Variants in DPYSL3 observed in about 807,000 individuals in gnomAD.
DPYSL3 encodes dihydropyrimidinase-related protein 3.
DPYSL3 carries 16 observed loss-of-function variants against 66.1 expected under a neutral mutation model. The ratio of observed to expected loss-of-function variants is 0.24; its 90% CI spans 0.16 to 0.37. The LOEUF (loss-of-function observed/expected upper bound fraction) is 0.37, where lower values mean the gene tolerates loss of function less well. DPYSL3 is among the 10% of genes least tolerant of loss of function. DPYSL3 has a pLI of 1.00. For missense variants in DPYSL3, 738 were observed against 916.2 expected, an observed-to-expected ratio of 0.81 and a Z score of 2.51; for synonymous variants, 338 against 345.1, an observed-to-expected ratio of 0.98 and a Z score of 0.23.
intron 1 of DPYSL3, among the ~76,000 whole-genome samples, chr5:147,440,800 G>A (rs184203876): frequency 6.6e-6 from 1 of 152,166 alleles, no homozygotes; most frequent in African/African-American, 2.4e-5. Context: ...GATAAGTAAT[G>A]TTTCCTAAGC....
Position 147,397,761 on chromosome 5 carries a change from C to T in DPYSL3, c.1708G>A (p.Asp570Asn). Residue 570 changes from aspartate (D) to asparagine (N), a missense_variant, in exon 12 of 14, where the codon GAT becomes AAT. Transcript: ENST00000343218. ...CCCTGGGTCACGTGCAGGTTGCCAT[C>T]TTCCAGCATGATCTTGCCCTGGCAG... ...VICQGKIMLE[D>N]GNLHVTQGAG... 2 of 1,614,204 alleles carry T rather than the reference C, an allele frequency of 1.2e-6. No individual in the cohort carries two copies. Among genetic ancestry groups the T allele is most frequent in the Non-Finnish European group, 1.7e-6 (2 of 1,180,042 alleles).
At chr5:147,448,409 A>C (rs1465493080) in intron 1 of DPYSL3, among the ~76,000 whole-genome samples, 2 of 152,238 alleles carry the variant, frequency 1.3e-5, no homozygotes, top group Non-Finnish European at 2.9e-5. Context: ...AAACAACAAC[A>C]AAAAAGTTTT....
rs975913037 is a variant in DPYSL3 at position 147,453,646 on chromosome 5, C to T, written c.382-28683G>A. 8 of 1,506,106 alleles carry T rather than the reference C, an allele frequency of 5.3e-6. No homozygotes were observed. In the African/African-American group the frequency reaches 1.0e-4, roughly 19 times the overall value. 93.3% of individuals were successfully genotyped at this position (1,506,106 alleles called of 1,614,324 possible). On this transcript the variant is annotated intron_variant, in intron 1 of 13. Coordinates refer to ENST00000343218, the MANE Select transcript of DPYSL3 (RefSeq NM_001197294.2). ...CCCTCCTTCTTCTGCTCCGGCTCGC[C>T]CGCGCCTTCCTCAGCGCACAGCGCC...
intron 1 of DPYSL3, among the ~76,000 whole-genome samples, chr5:147,481,834 A>G (rs1411039586): frequency 1.3e-5 from 2 of 152,212 alleles, no homozygotes; most frequent in Admixed American, 6.5e-5. Context: ...AGGTTCCAGA[A>G]TCATGAGCTA....
chr5:147,495,293 A>T (rs574434586), intron 1 of DPYSL3, among the ~76,000 whole-genome samples: 33 of 152,322 alleles, frequency 2.2e-4, no homozygotes, highest in South Asian at 1.4e-3. Context: ...CCAATATCAT[A>T]CTGAATGGGC....
At chr5:147,471,880 C>T (rs965223004) in intron 1 of DPYSL3, among the ~76,000 whole-genome samples, 9 of 152,144 alleles carry the variant, frequency 5.9e-5, no homozygotes, top group African/African-American at 2.2e-4. Context: ...CTGCCATATG[C>T]CAATACATGT....
chr5:147,456,252 CAA>C (rs1276942329), intron 1 of DPYSL3, among the ~76,000 whole-genome samples: 2 of 152,230 alleles, frequency 1.3e-5, no homozygotes, highest in African/African-American at 2.4e-5. Flanking sequence ...TGTGTCTGGC[CAA>C]GAGAGAGAAG....
intron 1 of DPYSL3, among the ~76,000 whole-genome samples, chr5:147,441,525 C>T (rs1752533387): frequency 6.6e-6 from 1 of 152,154 alleles, no homozygotes; most frequent in African/African-American, 2.4e-5. Flanking sequence ...AGGGTTAAGA[C>T]TTTAATTACT....
At chr5:147,508,908 A>G (rs1374378952) in intron 1 of DPYSL3, among the ~76,000 whole-genome samples, 1 of 152,164 alleles carries the variant, frequency 6.6e-6, no homozygotes, top group Non-Finnish European at 1.5e-5. Flanking sequence ...CGAGGCATAG[A>G]GAGAGATTCG....
chr5:147,477,560 T>C (rs1041200310), intron 1 of DPYSL3, among the ~76,000 whole-genome samples: 2 of 93,202 alleles, frequency 2.1e-5, no homozygotes, highest in African/African-American at 3.9e-5. Context: ...AACACCTAAA[T>C]CTTTTTTTTT....
At chr5:147,435,493 A>G (rs1331744653) in intron 1 of DPYSL3, among the ~76,000 whole-genome samples, 1 of 152,212 alleles carries the variant, frequency 6.6e-6, no homozygotes, top group Non-Finnish European at 1.5e-5. Flanking sequence ...ATGCATCTCT[A>G]TAAGAGATTG....
At chr5:147,402,370 C>T (rs1290160667) in intron 8 of DPYSL3, among the ~76,000 whole-genome samples, 10 of 120,228 alleles carry the variant, frequency 8.3e-5, no homozygotes, top group South Asian at 2.3e-4. Flanking sequence ...TTTTTTGAGA[C>T]GGAGTCTCGC....
chr5:147,452,475 C>G (rs922141638), intron 1 of DPYSL3, among the ~76,000 whole-genome samples: 7 of 147,832 alleles, frequency 4.7e-5, no homozygotes, highest in Non-Finnish European at 1.0e-4. Flanking sequence ...ACACACCATC[C>G]AATTCACTAT....
At chr5:147,474,672 C>T (rs1753132676) in intron 1 of DPYSL3, among the ~76,000 whole-genome samples, 4 of 151,942 alleles carry the variant, frequency 2.6e-5, no homozygotes, top group Admixed American at 2.6e-4. Flanking sequence ...GTACATAATG[C>T]CTGCCACATG....
intron 1 of DPYSL3, among the ~76,000 whole-genome samples, chr5:147,430,283 G>A (rs1752284534): frequency 6.6e-6 from 1 of 152,040 alleles, no homozygotes; most frequent in South Asian, 2.1e-4. Flanking sequence ...GTCACCTGAG[G>A]TCAGGAGTTC....
At chr5:147,410,607 G>A (rs1362289065) in intron 6 of DPYSL3, among the ~76,000 whole-genome samples, 1 of 152,100 alleles carries the variant, frequency 6.6e-6, no homozygotes, top group Non-Finnish European at 1.5e-5. Context: ...TCCAAGGCTT[G>A]GCGTATAGTA....
At chr5:147,403,837 C>T (rs1581175092) in intron 8 of DPYSL3, among the ~76,000 whole-genome samples, 1 of 152,112 alleles carries the variant, frequency 6.6e-6, no homozygotes, top group African/African-American at 2.4e-5. Context: ...TGAAATAATA[C>T]CCCCATTCCA....
At chr5:147,475,887 C>T (rs1360041624) in intron 1 of DPYSL3, among the ~76,000 whole-genome samples, 4 of 152,208 alleles carry the variant, frequency 2.6e-5, no homozygotes, top group Middle Eastern at 6.8e-3. Flanking sequence ...CATCAATTAA[C>T]ATATCCTCAA....
intron 1 of DPYSL3, among the ~76,000 whole-genome samples, chr5:147,469,598 T>C (rs1753055915): frequency 1.3e-5 from 2 of 152,246 alleles, no homozygotes; most frequent in African/African-American, 2.4e-5. Flanking sequence ...CAGAATGTTA[T>C]TGAGTGAACC....
Sources: allele counts gnomAD v4.1 joint callset (sites outside exome capture counted in the v4.1 genomes callset), GRCh38; gene constraint gnomAD v4.1.1; transcripts MANE v1.5; gene names NCBI Gene and HGNC (gene_info 2026-07-23, HGNC 2026-07-21).